ACKR3: variants seen among roughly 807,000 people sequenced by gnomAD.
The protein encoded by ACKR3 is C-X-C chemokine receptor type 7.
In ACKR3, 6 loss-of-function variants were observed where a neutral mutation model predicts 22.4. The ratio of observed to expected loss-of-function variants is 0.27; its 90% CI spans 0.15 to 0.53. ACKR3 has a LOEUF of 0.53. Ranked by LOEUF, ACKR3 falls within the 20% of genes least tolerant of loss-of-function variation. The pLI is 0.96. For synonymous variants in ACKR3, 209 were observed against 205.2 expected (o/e 1.02, Z -0.16); for missense variants, 396 against 475.2 (o/e 0.83, Z 1.55).
the ACKR3 span, among the ~76,000 whole-genome samples, chr2:236,538,486 C>T: frequency 6.6e-6 from 1 of 152,142 alleles, no homozygotes; most frequent in Non-Finnish European, 1.5e-5. Flanking sequence ...GACTTGCCAC[C>T]CCCACCCTCC....
chr2:236,573,189 T>C (rs980848206), intron 1 of ACKR3, among the ~76,000 whole-genome samples: 2 of 149,756 alleles, frequency 1.3e-5, no homozygotes, highest in Non-Finnish European at 2.9e-5. Context: ...CACACACACA[T>C]GCACACACAC....
At chr2:236,538,460 C>G in the ACKR3 span, among the ~76,000 whole-genome samples, 2 of 152,202 alleles carry the variant, frequency 1.3e-5, no homozygotes, top group Non-Finnish European at 2.9e-5. Flanking sequence ...CCACCCTGAC[C>G]TTGGATGGAT....
rs201423512 is a variant in ACKR3, at chr2:236,581,327, C to A, written c.862C>A (p.Arg288=). The change falls in exon 2 of 2, where the codon CGG becomes AGG. Residue 288 remains arginine (R), a synonymous_variant. Coordinates refer to ENST00000272928, the MANE Select transcript of ACKR3 (RefSeq NM_020311.3). This position sits in a 1 kb window ranked among gnomAD's most constrained non-coding sequence, Gnocchi z 4.4. ...SILHYIPFTC[R]LEHALFTALH... Reference sequence around the variant, plus strand: ...CCTGCACTACATCCCTTTCACCTGCCGGCTGGAGCACGCCCTCTTCACGGC... The same window carrying A: ...CCTGCACTACATCCCTTTCACCTGCAGGCTGGAGCACGCCCTCTTCACGGC... The A allele has an allele frequency of 6.2e-7, 1 of 1,613,918 alleles. No individual in the cohort carries two copies. The highest frequency in any genetic ancestry group is 1.7e-5 in the Admixed American group (1 of 60,032).
chr2:236,543,160 C>T, the ACKR3 span, among the ~76,000 whole-genome samples: 2 of 152,106 alleles, frequency 1.3e-5, no homozygotes, highest in African/African-American at 4.8e-5. Flanking sequence ...GTTATTCTAG[C>T]AGACAAGGAA....
the ACKR3 span, among the ~76,000 whole-genome samples, chr2:236,549,831 G>A: frequency 6.6e-6 from 1 of 152,132 alleles, no homozygotes; most frequent in Admixed American, 6.5e-5. The surrounding 1 kb of genome is among the most constrained non-coding windows in gnomAD (Gnocchi z 5.3). Context: ...ATCTGTTTTG[G>A]GTTTGGCAGA....
At chr2:236,568,901 T>A (rs1313247892), upstream of ACKR3, among the ~76,000 whole-genome samples, 2 of 152,158 alleles carry the variant, frequency 1.3e-5, no homozygotes, top group Non-Finnish European at 2.9e-5. Context: ...CAGAAAGCAA[T>A]ACGAAAGCCA....
the ACKR3 span, among the ~76,000 whole-genome samples, chr2:236,545,411 T>G: frequency 6.6e-6 from 1 of 152,192 alleles, no homozygotes; most frequent in Non-Finnish European, 1.5e-5. The surrounding 1 kb of genome is among the most constrained non-coding windows in gnomAD (Gnocchi z 5.3). Flanking sequence ...TCACATCACG[T>G]AGAAACTCAG....
the ACKR3 span, among the ~76,000 whole-genome samples, chr2:236,543,502 AAAG>A: frequency 0.013 from 1,930 of 152,270 alleles, 27 homozygotes; most frequent in African/African-American, 0.036. Flanking sequence ...TTGGAGATAA[AAAG>A]AAGATTTTGG....
At chr2:236,549,261 C>A in the ACKR3 span, among the ~76,000 whole-genome samples, 4 of 152,344 alleles carry the variant, frequency 2.6e-5, no homozygotes, top group East Asian at 1.9e-4. This position sits in a 1 kb window ranked among gnomAD's most constrained non-coding sequence, Gnocchi z 5.3. Context: ...CAGCTTCCAC[C>A]TTTGCCAGCC....
At chr2:236,579,022 G>A (rs1452103770) in intron 1 of ACKR3, among the ~76,000 whole-genome samples, 7 of 152,226 alleles carry the variant, frequency 4.6e-5, no homozygotes, top group Admixed American at 4.6e-4. Flanking sequence ...CTGTGAGATA[G>A]GTGCTGCTGT....
chr2:236,555,444 G>C, the ACKR3 span, among the ~76,000 whole-genome samples: 4 of 152,174 alleles, frequency 2.6e-5, no homozygotes, highest in Non-Finnish European at 5.9e-5. Flanking sequence ...GACCCGTTTT[G>C]CTGGTCATGG....
chr2:236,580,452 C>T lies in ACKR3; in HGVS notation c.-14C>T. ...GGTTTTCTCATAGGTCATTTGATTG[C>T]CCGCCTCAGAACGATGGATCTGCAT... On this transcript the variant is annotated 5_prime_UTR_variant, in exon 2 of 2. Coordinates refer to ENST00000272928, the MANE Select transcript of ACKR3 (RefSeq NM_020311.3). 6.3e-7 allele frequency: 1 copy of T among 1,594,566 alleles called. No individual in the cohort carries two copies. The highest frequency in any genetic ancestry group is 1.1e-5 in the South Asian group (1 of 89,996).
chr2:236,563,122 A>G (rs1212041066), upstream of ACKR3, among the ~76,000 whole-genome samples: 2 of 152,150 alleles, frequency 1.3e-5, no homozygotes, highest in African/African-American at 4.8e-5. Context: ...AGTACTTCCA[A>G]TTTTCAAAGT....
At chr2:236,558,142 T>C in the ACKR3 span, among the ~76,000 whole-genome samples, 1 of 152,188 alleles carries the variant, frequency 6.6e-6, no homozygotes, top group East Asian at 1.9e-4. Context: ...AACAGTCAGC[T>C]GGTGGTGGAA....
At chr2:236,560,314 GCCTTTT>G in the ACKR3 span, among the ~76,000 whole-genome samples, 5 of 126,944 alleles carry the variant, frequency 3.9e-5, no homozygotes, top group East Asian at 2.1e-4. Context: ...AGCACTTGTT[GCCTTTT>G]TTTTTTTTTT....
chr2:236,570,933 G>A (rs1691295074), intron 1 of ACKR3, among the ~76,000 whole-genome samples: 1 of 152,204 alleles, frequency 6.6e-6, no homozygotes, highest in African/African-American at 2.4e-5. Flanking sequence ...ATGGTTTACA[G>A]CCCTTTGAAT....
the ACKR3 span, among the ~76,000 whole-genome samples, chr2:236,561,654 G>A: frequency 6.6e-6 from 1 of 152,084 alleles, no homozygotes; most frequent in African/African-American, 2.4e-5. Flanking sequence ...ACCATGCCTG[G>A]CTAATTTTTG....
chr2:236,572,672 T>G (rs902452206), intron 1 of ACKR3, among the ~76,000 whole-genome samples: 1 of 152,212 alleles, frequency 6.6e-6, no homozygotes, highest in Non-Finnish European at 1.5e-5. Flanking sequence ...CTGGTTACAC[T>G]GGGCCGGCCC....
At chr2:236,548,055 T>C in the ACKR3 span, among the ~76,000 whole-genome samples, 1 of 152,206 alleles carries the variant, frequency 6.6e-6, no homozygotes, top group Non-Finnish European at 1.5e-5. The surrounding 1 kb of genome is among the most constrained non-coding windows in gnomAD (Gnocchi z 4.3). Flanking sequence ...TGGCCTTTCC[T>C]AGTTTTCATT....
Sources: allele counts gnomAD v4.1 joint callset (sites outside exome capture counted in the v4.1 genomes callset), GRCh38; gene constraint gnomAD v4.1.1; non-coding constraint Gnocchi (gnomAD v3.1); transcripts MANE v1.5; gene names NCBI Gene and HGNC (gene_info 2026-07-23, HGNC 2026-07-21).